GALNT12: variants seen among roughly 807,000 people sequenced by gnomAD.
The protein encoded by GALNT12 is UDP-GalNAc:polypeptide N-acetylgalactosaminyltransferase 12.
A neutral mutation model predicts 55.5 loss-of-function variants in GALNT12; 45 were observed. That is an observed-to-expected ratio of 0.81 (90% CI 0.64 to 1.04). The LOEUF (loss-of-function observed/expected upper bound fraction) is 1.04, where lower values mean the gene tolerates loss of function less well. GALNT12 is among the 50% of genes least tolerant of loss of function. The pLI is 0.00. For missense variants in GALNT12, 709 were observed against 754.8 expected (o/e 0.94, Z 0.71); for synonymous variants, 304 against 312.2 (o/e 0.97, Z 0.28).
At chr9:98,832,038 G>C in intron 4 of GALNT12, 81 bp downstream of exon 4, 1 of 1,246,784 alleles carries the variant, frequency 8.0e-7, no homozygotes, top group Admixed American at 1.9e-5. Flanking sequence ...AGGCCCTCGG[G>C]AGGAATGGTT....
chr9:98,849,302 C>G lies in GALNT12; in HGVS notation c.*210C>G. 1.6e-6 allele frequency: 1 copy of G among 609,674 alleles called. No homozygotes were observed. The allele number at this position is 609,674 out of a possible 1,614,324, so 37.8% of individuals were successfully genotyped here. On this transcript the variant is annotated 3_prime_UTR_variant, in exon 10 of 10. Coordinates refer to ENST00000375011, the MANE Select transcript of GALNT12 (RefSeq NM_024642.5). The stretch of plus-strand genomic sequence containing the variant: ...TATTTTGAGAACTTTTTAAATGTTC[C>G]AAAATACCCTATTTTCAAAGGGTAA...
chr9:98,842,991 C>G (rs930504156), intron 7 of GALNT12, among the ~76,000 whole-genome samples: 2 of 152,140 alleles, frequency 1.3e-5, no homozygotes, highest in African/African-American at 4.8e-5. Context: ...AGTTACATTT[C>G]AAGTGTCCAG....
intron 1 of GALNT12, among the ~76,000 whole-genome samples, chr9:98,820,157 G>A (rs890767368): frequency 6.6e-6 from 1 of 152,038 alleles, no homozygotes; most frequent in Non-Finnish European, 1.5e-5. Flanking sequence ...ATAGGTAAAC[G>A]TGTGCCATGG....
At chr9:98,837,431 T>C (rs1330875774) in intron 6 of GALNT12, among the ~76,000 whole-genome samples, 3 of 152,188 alleles carry the variant, frequency 2.0e-5, no homozygotes, top group Non-Finnish European at 4.4e-5. Context: ...CTGCCAGACT[T>C]GGGGCACAGT....
chr9:98,843,560 C>T (rs548520338), intron 7 of GALNT12, among the ~76,000 whole-genome samples: 241 of 152,242 alleles, frequency 1.6e-3, no homozygotes, highest in Middle Eastern at 6.8e-3. Context: ...GTGCACCCCA[C>T]CACACCTGGC....
rs138753966 is a variant in GALNT12 at position 98,814,798 on chromosome 9, A to G, written c.371+6729A>G. ...GCAGAGATTATTGTAGTCCCTACCCAGTAGGGTTGTTAGGAAGGCTACATG... is the reference window on the plus strand; with the variant it reads ...GCAGAGATTATTGTAGTCCCTACCCGGTAGGGTTGTTAGGAAGGCTACATG... On this transcript the variant is annotated intron_variant, in intron 1 of 9. Coordinates refer to ENST00000375011, the MANE Select transcript of GALNT12 (RefSeq NM_024642.5). 2.4e-3 allele frequency among the ~76,000 whole-genome samples: 368 copies of G among 152,322 alleles called. 1 individual carries two copies. Among genetic ancestry groups the G allele is most frequent in the African/African-American group, 8.4e-3 (348 of 41,572 alleles).
intron 1 of GALNT12, among the ~76,000 whole-genome samples, chr9:98,811,801 G>T (rs1835502599): frequency 6.6e-6 from 1 of 150,816 alleles, no homozygotes; most frequent in Non-Finnish European, 1.5e-5. Flanking sequence ...TCCTGCCTCA[G>T]CCTCCCGAGT....
intron 1 of GALNT12, among the ~76,000 whole-genome samples, chr9:98,812,733 TC>T (rs1239236794): frequency 6.6e-6 from 1 of 152,214 alleles, no homozygotes; most frequent in African/African-American, 2.4e-5. Context: ...TTTGGTGTTT[TC>T]CCCCTCTTTT....
In GALNT12 at chr9:98,837,076, T is replaced by C; in HGVS notation, c.1140T>C (p.Ser380=). 1 of 1,614,216 alleles carries C rather than the reference T, an allele frequency of 6.2e-7. No homozygotes were observed. The highest frequency in any genetic ancestry group is 8.5e-7 in the Non-Finnish European group (1 of 1,180,054). The change falls in exon 6 of 10, where the codon AGT becomes AGC. Residue 380 remains serine, a synonymous_variant. Transcript: ENST00000375011. The part of the protein sequence containing the change: ...PYSRNKALAN[S]VRAAEVWMDE... ...CCCGCAACAAGGCTCTGGCCAACAG[T>C]GTTCGTGCAGCTGAAGTATGGATGG...
intron 1 of GALNT12, among the ~76,000 whole-genome samples, chr9:98,815,460 G>A (rs189950214): frequency 2.0e-5 from 3 of 152,264 alleles, no homozygotes; most frequent in African/African-American, 7.2e-5. Flanking sequence ...TTCAACTTAC[G>A]ATGAGTTTAT....
At position 98,849,441 on chromosome 9, in the gene GALNT12, T is replaced by A; in HGVS notation, c.*349T>A. 1 of 530,976 alleles carries A rather than the reference T, an allele frequency of 1.9e-6. No homozygotes were observed. The highest frequency in any genetic ancestry group is 3.3e-6 in the Non-Finnish European group (1 of 305,066). 32.9% of individuals were successfully genotyped at this position (530,976 alleles called of 1,614,324 possible). A position where few individuals can be genotyped will look rare whatever the true frequency, so the allele number is the denominator to read the frequency against. ...CTCTCATTAGCAAAAAAGATAAAGATTTTATTTTGGTATTTACAAGAATTC... is the reference window on the plus strand; with the variant it reads ...CTCTCATTAGCAAAAAAGATAAAGAATTTATTTTGGTATTTACAAGAATTC... On this transcript the variant is annotated 3_prime_UTR_variant, in exon 10 of 10. Coordinates refer to ENST00000375011, the MANE Select transcript of GALNT12 (RefSeq NM_024642.5).
At chr9:98,828,373 G>A (rs1835910774) in intron 3 of GALNT12, among the ~76,000 whole-genome samples, 1 of 152,202 alleles carries the variant, frequency 6.6e-6, no homozygotes, top group South Asian at 2.1e-4. Context: ...CTGTGATGGA[G>A]CTGGAGATTA....
chr9:98,844,346 A>C, intron 8 of GALNT12, 137 bp downstream of exon 8: 1 of 673,758 alleles, frequency 1.5e-6, no homozygotes, highest in Non-Finnish European at 2.7e-6. Flanking sequence ...CAGAGAGACC[A>C]CTGTTAAAAT....
chr9:98,837,289 T>G (rs1836179992), intron 6 of GALNT12, 141 bp downstream of exon 6: 1 of 800,942 alleles, frequency 1.2e-6, no homozygotes, highest in East Asian at 2.6e-5. Context: ...GGAGAATTTA[T>G]TCCTCCATTT....
In GALNT12 at chr9:98,823,249, T is replaced by A. The variant is rs2295923; in HGVS notation, c.372-7T>A. 4,368 of 1,614,064 alleles carry A rather than the reference T, an allele frequency of 2.7e-3. 170 individuals carry two copies. The East Asian group carries it at 0.078, about 29-fold the overall frequency. Reference sequence around the variant, plus strand: ...CCTGAGTTCCTGAAGTTCCGCTGTATTTGCAGGTGCAAAGAGAAGAAATAT... The same window carrying A: ...CCTGAGTTCCTGAAGTTCCGCTGTAATTGCAGGTGCAAAGAGAAGAAATAT... On this transcript the variant is annotated splice_polypyrimidine_tract_variant and splice_region_variant and intron_variant, in intron 1 of 9. Coordinates refer to ENST00000375011, the MANE Select transcript of GALNT12 (RefSeq NM_024642.5).
intron 1 of GALNT12, among the ~76,000 whole-genome samples, chr9:98,811,697 T>C (rs1835499128): frequency 6.6e-6 from 1 of 151,376 alleles, no homozygotes; most frequent in South Asian, 2.1e-4. Flanking sequence ...TTTTTTTTTT[T>C]TTTGAGATGG....
intron 9 of GALNT12, among the ~76,000 whole-genome samples, chr9:98,846,812 A>G (rs1836429535): frequency 6.9e-6 from 1 of 144,140 alleles, no homozygotes; most frequent in Non-Finnish European, 1.5e-5. Flanking sequence ...AGCCGAAATC[A>G]TGCCACTGCA....
intron 1 of GALNT12, among the ~76,000 whole-genome samples, chr9:98,815,237 T>G (rs774047620): frequency 8.5e-5 from 13 of 152,252 alleles, no homozygotes; most frequent in Non-Finnish European, 1.5e-4. Context: ...TCTATCATAG[T>G]ACCCATTGCA....
intron 7 of GALNT12, among the ~76,000 whole-genome samples, chr9:98,843,289 G>A (rs1836336989): frequency 6.6e-6 from 1 of 152,018 alleles, no homozygotes; most frequent in Admixed American, 6.6e-5. Context: ...ACAGCTTAGA[G>A]TATTATACTG....
Sources: allele counts gnomAD v4.1 joint callset (sites outside exome capture counted in the v4.1 genomes callset), GRCh38; gene constraint gnomAD v4.1.1; transcripts MANE v1.5; gene names NCBI Gene and HGNC (gene_info 2026-07-23, HGNC 2026-07-21).